Variants in MGAT4C observed in about 807,000 individuals in gnomAD.
MGAT4C encodes the protein MGAT4 family member C.
In MGAT4C, 19 loss-of-function variants were observed where a neutral mutation model predicts 40.1. That is an observed-to-expected ratio of 0.47 (90% CI 0.33 to 0.70). The LOEUF is 0.70. MGAT4C is among the 30% of genes least tolerant of loss of function. The pLI, the probability that MGAT4C is intolerant of heterozygous loss-of-function variation, is 0.02. For missense variants in MGAT4C, 491 were observed against 563.2 expected (o/e 0.87, Z 1.30); for synonymous variants, 181 against 187.1 (o/e 0.97, Z 0.27).
intron 2 of MGAT4C, among the ~76,000 whole-genome samples, chr12:86,043,573 G>A (rs1230338801): frequency 6.6e-6 from 1 of 152,130 alleles, no homozygotes; most frequent in Non-Finnish European, 1.5e-5. Context: ...TTGAGAATGG[G>A]TCTGCCTTTC....
intron 3 of MGAT4C, among the ~76,000 whole-genome samples, chr12:86,427,589 TCC>T (rs1259501914): frequency 6.6e-6 from 1 of 152,064 alleles, no homozygotes; most frequent in Non-Finnish European, 1.5e-5. Context: ...AGCTTTCACA[TCC>T]TTAGTAGTCA....
chr12:86,598,597 C>T (rs1961633795), intron 2 of MGAT4C, among the ~76,000 whole-genome samples: 1 of 152,012 alleles, frequency 6.6e-6, no homozygotes, highest in Non-Finnish European at 1.5e-5. Flanking sequence ...ATCACAAAAC[C>T]TAAACATGTA....
chr12:86,766,149 C>T lies in MGAT4C; in HGVS notation c.-261-38908G>A, dbSNP rs181785264. Among the ~76,000 whole-genome samples, 1,507 of 151,866 alleles carry T rather than the reference C, an allele frequency of 9.9e-3. 35 individuals carry two copies. Among genetic ancestry groups the T allele is most frequent in the African/African-American group, 0.035 (1,429 of 41,380 alleles). On this transcript the variant is annotated intron_variant, in intron 1 of 7. Coordinates refer to the MGAT4C transcript ENST00000548651. Reference sequence around the variant, plus strand: ...TCTCACGTGCAGAGACACACATAGGCTCAAAATAAAAGGATGGAGGAAGAT... The same window carrying T: ...TCTCACGTGCAGAGACACACATAGGTTCAAAATAAAAGGATGGAGGAAGAT...
rs550516499 is a variant in MGAT4C at position 86,694,743 on chromosome 12, T to C, written c.-229+32466A>G. On this transcript the variant is annotated intron_variant, in intron 2 of 7. Transcript: ENST00000548651. ...GAAACTAGACTCCTGTCTTTCACCA[T>C]GTACAAAAATCAAATAGAAATGGAT... Among the ~76,000 whole-genome samples the C allele has an allele frequency of 3.0e-4, 45 of 152,272 alleles. No individual in the cohort carries two copies. The South Asian group carries it at 9.3e-3, about 32-fold the overall frequency.
intron 2 of MGAT4C, among the ~76,000 whole-genome samples, chr12:86,003,107 T>G (rs1887520713): frequency 6.6e-6 from 1 of 152,138 alleles, no homozygotes; most frequent in African/African-American, 2.4e-5. Context: ...GGCCTAAAAT[T>G]TCTTAAATTC....
chr12:86,083,095 A>C (rs910939996), intron 1 of MGAT4C, among the ~76,000 whole-genome samples: 9 of 152,098 alleles, frequency 5.9e-5, no homozygotes, highest in African/African-American at 2.2e-4. Context: ...CCTGTCATCT[A>C]GTCAGAAGCT....
intron 1 of MGAT4C, among the ~76,000 whole-genome samples, chr12:86,210,623 A>G (rs568576530): frequency 6.6e-6 from 1 of 152,334 alleles, no homozygotes; most frequent in South Asian, 2.1e-4. Flanking sequence ...ATATTTAAAA[A>G]TACCTCATAC....
intron 2 of MGAT4C, among the ~76,000 whole-genome samples, chr12:86,538,420 G>A (rs1359339324): frequency 2.0e-5 from 3 of 152,176 alleles, no homozygotes; most frequent in Non-Finnish European, 2.9e-5. Context: ...ATCTCATGAT[G>A]GAGTTTACAT....
intron 2 of MGAT4C, among the ~76,000 whole-genome samples, chr12:86,615,737 A>T (rs1962427469): frequency 6.6e-6 from 1 of 152,068 alleles, no homozygotes; most frequent in South Asian, 2.1e-4. Context: ...CATCAAATCC[A>T]TGACCCTGTG....
intron 2 of MGAT4C, among the ~76,000 whole-genome samples, chr12:86,717,020 G>T (rs1380870862): frequency 6.6e-6 from 1 of 152,020 alleles, no homozygotes. Flanking sequence ...CCCAATCATG[G>T]TTTCTCATGG....
intron 2 of MGAT4C, among the ~76,000 whole-genome samples, chr12:86,436,335 A>C (rs1019854083): frequency 1.3e-5 from 2 of 151,832 alleles, no homozygotes; most frequent in Non-Finnish European, 3.0e-5. Context: ...TTATGACAAT[A>C]TAATTCAGAG....
At chr12:86,045,999 A>G (rs1892365818) in intron 2 of MGAT4C, among the ~76,000 whole-genome samples, 1 of 152,226 alleles carries the variant, frequency 6.6e-6, no homozygotes, top group African/African-American at 2.4e-5. Context: ...CTTGCAGTGT[A>G]GAGCCAAAAC....
At chr12:86,326,707 C>T (rs1192804649) in intron 4 of MGAT4C, among the ~76,000 whole-genome samples, 1 of 152,064 alleles carries the variant, frequency 6.6e-6, no homozygotes, top group Non-Finnish European at 1.5e-5. Flanking sequence ...AGAAAACCCA[C>T]TTGAGCCTTT....
intron 1 of MGAT4C, among the ~76,000 whole-genome samples, chr12:86,125,905 A>T (rs531504338): frequency 6.6e-6 from 1 of 151,784 alleles, no homozygotes; most frequent in Admixed American, 6.6e-5. Context: ...GGAAATCAGA[A>T]TTTTTTTTCA....
At chr12:86,552,773 C>A (rs1305377140) in intron 2 of MGAT4C, among the ~76,000 whole-genome samples, 1 of 152,090 alleles carries the variant, frequency 6.6e-6, no homozygotes, top group Non-Finnish European at 1.5e-5. Flanking sequence ...TATTAATTTT[C>A]TGAGGGTAGC....
intron 3 of MGAT4C, among the ~76,000 whole-genome samples, chr12:86,350,862 C>A (rs1426786258): frequency 6.6e-6 from 1 of 151,922 alleles, no homozygotes; most frequent in Admixed American, 6.6e-5. Context: ...GGTGGTAATA[C>A]AAATTGACAC....
At chr12:86,755,133 C>G (rs545898769) in intron 1 of MGAT4C, among the ~76,000 whole-genome samples, 2 of 152,212 alleles carry the variant, frequency 1.3e-5, no homozygotes, top group Non-Finnish European at 2.9e-5. Context: ...GAGCAGATTA[C>G]TTTCAATAAT....
chr12:86,659,217 A>C (rs978473829), intron 2 of MGAT4C, among the ~76,000 whole-genome samples: 4 of 151,536 alleles, frequency 2.6e-5, no homozygotes, highest in Non-Finnish European at 5.9e-5. Context: ...ATCTTTCTTC[A>C]TCCATGGGAA....
At chr12:86,153,978 T>C (rs1479691404) in intron 1 of MGAT4C, among the ~76,000 whole-genome samples, 1 of 152,096 alleles carries the variant, frequency 6.6e-6, no homozygotes, top group Non-Finnish European at 1.5e-5. Context: ...ATGTTATAGA[T>C]AAAAACATTT....
Sources: gnomAD v4.1 joint callset for allele counts (sites outside exome capture counted in the v4.1 genomes callset) on GRCh38, gnomAD v4.1.1 for gene constraint, MANE v1.5 for transcripts, NCBI Gene and HGNC (gene_info 2026-07-23, HGNC 2026-07-21) for gene names.